Variants in LDB2 observed in about 807,000 individuals in gnomAD.
LDB2 encodes the protein LIM domain binding 2.
Under a neutral mutation model 44.3 loss-of-function variants are expected in LDB2, and 12 were observed. The ratio of observed to expected loss-of-function variants is 0.27; its 90% CI spans 0.17 to 0.44. The LOEUF (loss-of-function observed/expected upper bound fraction) is 0.44. LDB2 is among the 20% of genes least tolerant of loss of function. LDB2 has a pLI of 1.00. For missense variants in LDB2, 344 were observed against 473.5 expected, an observed-to-expected ratio of 0.73 and a Z score of 2.54; for synonymous variants, 164 against 174.8, an observed-to-expected ratio of 0.94 and a Z score of 0.49.
chr4:16,676,459 G>T (rs1035666779), intron 2 of LDB2, among the ~76,000 whole-genome samples: 4 of 152,168 alleles, frequency 2.6e-5, no homozygotes, highest in Non-Finnish European at 5.9e-5. Context: ...ACACCCTGGG[G>T]ATCTGGCCTG....
At chr4:16,764,646 T>C (rs1376282071) in intron 1 of LDB2, among the ~76,000 whole-genome samples, 3 of 152,018 alleles carry the variant, frequency 2.0e-5, no homozygotes, top group Non-Finnish European at 4.4e-5. Flanking sequence ...AAAGAGACCA[T>C]GGTCATTTGA....
chr4:16,623,320 G>C (rs1006477923), intron 2 of LDB2, among the ~76,000 whole-genome samples: 1 of 152,120 alleles, frequency 6.6e-6, no homozygotes, highest in African/African-American at 2.4e-5. Flanking sequence ...ACTATCGGCC[G>C]GACGCAGTGG....
At chr4:16,831,335 T>C (rs1031130297) in intron 1 of LDB2, among the ~76,000 whole-genome samples, 18 of 152,066 alleles carry the variant, frequency 1.2e-4, no homozygotes, top group African/African-American at 3.9e-4. Flanking sequence ...CCGGGTCACA[T>C]AGATCTCACA....
intron 2 of LDB2, among the ~76,000 whole-genome samples, chr4:16,751,589 G>C (rs1765509843): frequency 6.6e-6 from 1 of 152,150 alleles, no homozygotes; most frequent in South Asian, 2.1e-4. Context: ...ACTAGTCCTA[G>C]ATTTTCCATT....
At chr4:16,717,202 G>T (rs1333993735) in intron 2 of LDB2, among the ~76,000 whole-genome samples, 1 of 151,016 alleles carries the variant, frequency 6.6e-6, no homozygotes, top group African/African-American at 2.4e-5. Context: ...TGATGAGGAG[G>T]ACTACATTTA....
intron 5 of LDB2, among the ~76,000 whole-genome samples, chr4:16,529,630 T>C (rs1729440624): frequency 6.6e-6 from 1 of 152,210 alleles, no homozygotes; most frequent in South Asian, 2.1e-4. Flanking sequence ...TTTAATCACA[T>C]AGGGAGCTTC....
intron 1 of LDB2, among the ~76,000 whole-genome samples, chr4:16,782,259 A>G (rs566059690): frequency 6.6e-6 from 1 of 152,356 alleles, no homozygotes; most frequent in South Asian, 2.1e-4. Flanking sequence ...CCTTGTGGGC[A>G]GAAATCAGAT....
chr4:16,501,618 G>A lies in LDB2; in HGVS notation c.*1025C>T, dbSNP rs1049334822. Reference sequence around the variant, plus strand: ...AAAATACAGCTGTTTTTTAACACACGGAGCCACTGTGCCTTTACATGTGTG... The same window carrying A: ...AAAATACAGCTGTTTTTTAACACACAGAGCCACTGTGCCTTTACATGTGTG... On this transcript the variant is annotated 3_prime_UTR_variant, in exon 8 of 8. Coordinates refer to ENST00000304523, the MANE Select transcript of LDB2 (RefSeq NM_001290.5). 4 of 152,500 alleles carry A rather than the reference G, an allele frequency of 2.6e-5. No homozygotes were observed. The highest frequency in any genetic ancestry group is 6.6e-5 in the Admixed American group (1 of 15,264). The allele number at this position is 152,500 out of a possible 1,614,324, so 9.4% of individuals were successfully genotyped here.
rs1428080962 is a variant in LDB2 at position 16,739,652 on chromosome 4, G to GTA, written c.235+19505_235+19506insTA. On this transcript the variant is annotated intron_variant, in intron 2 of 7. Coordinates refer to ENST00000304523, the MANE Select transcript of LDB2 (RefSeq NM_001290.5). ...TGTATATATGTATATATACATATGT[G>GTA]TGTATATATGTATATATACATATGT... Among the ~76,000 whole-genome samples the GTA allele has an allele frequency of 5.5e-4, 34 of 62,082 alleles. 1 individual carries two copies. The highest frequency in any genetic ancestry group is 2.0e-3 in the African/African-American group (31 of 15,376). The allele number at this position is 62,082 out of a possible 152,430, so 40.7% of individuals were successfully genotyped here. A position where few individuals can be genotyped will look rare whatever the true frequency, so the allele number is the denominator to read the frequency against.
At chr4:16,871,175 G>T (rs561119419) in intron 1 of LDB2, among the ~76,000 whole-genome samples, 1 of 152,108 alleles carries the variant, frequency 6.6e-6, no homozygotes, top group Non-Finnish European at 1.5e-5. Context: ...ACTATTATTG[G>T]TGCCCTTGGG....
At chr4:16,691,885 T>C (rs1203565615) in intron 2 of LDB2, among the ~76,000 whole-genome samples, 3 of 152,190 alleles carry the variant, frequency 2.0e-5, no homozygotes, top group Admixed American at 6.5e-5. Context: ...AAATTAATAA[T>C]CCCTTGAGAA....
At chr4:16,714,630 G>A (rs910209040) in intron 2 of LDB2, among the ~76,000 whole-genome samples, 4 of 152,058 alleles carry the variant, frequency 2.6e-5, no homozygotes, top group African/African-American at 9.7e-5. Context: ...ATTACAAATG[G>A]GGTGACTTAA....
chr4:16,532,738 TAAC>T (rs1169751561), intron 5 of LDB2, among the ~76,000 whole-genome samples: 1 of 152,214 alleles, frequency 6.6e-6, no homozygotes, highest in East Asian at 1.9e-4. Context: ...CTCCGAATAA[TAAC>T]CATTATGGTT....
intron 1 of LDB2, among the ~76,000 whole-genome samples, chr4:16,779,173 G>A (rs560806586): frequency 6.6e-6 from 1 of 152,204 alleles, no homozygotes; most frequent in South Asian, 2.1e-4. Context: ...TTGGGAGCCT[G>A]GGATTTGAAC....
chr4:16,741,273 T>G (rs940035571), intron 2 of LDB2, among the ~76,000 whole-genome samples: 4 of 152,226 alleles, frequency 2.6e-5, no homozygotes, highest in Non-Finnish European at 5.9e-5. Context: ...TTGTGATATA[T>G]TCATTCAACA....
At chr4:16,887,241 GA>G (rs1722033015) in intron 1 of LDB2, among the ~76,000 whole-genome samples, 1 of 149,764 alleles carries the variant, frequency 6.7e-6, no homozygotes, top group Admixed American at 6.7e-5. Flanking sequence ...AAAAGAAAAA[GA>G]ATAAAAAGAA....
chr4:16,525,667 T>C (rs1727950482), intron 5 of LDB2, among the ~76,000 whole-genome samples: 1 of 152,058 alleles, frequency 6.6e-6, no homozygotes, highest in Admixed American at 6.6e-5. Context: ...AAAAAGAAAA[T>C]CACTGCTCTT....
intron 1 of LDB2, among the ~76,000 whole-genome samples, chr4:16,788,332 G>A (rs561851194): frequency 6.6e-6 from 1 of 152,320 alleles, no homozygotes; most frequent in African/African-American, 2.4e-5. Context: ...GTGGTGATGG[G>A]AAGGGGATGC....
chr4:16,632,236 T>C (rs1246037162), intron 2 of LDB2, among the ~76,000 whole-genome samples: 1 of 152,212 alleles, frequency 6.6e-6, no homozygotes, highest in Non-Finnish European at 1.5e-5. Context: ...TTATCCACCA[T>C]GATCAAGTTG....
Sources: allele counts gnomAD v4.1 joint callset (sites outside exome capture counted in the v4.1 genomes callset), GRCh38; gene constraint gnomAD v4.1.1; transcripts MANE v1.5; gene names NCBI Gene and HGNC (gene_info 2026-07-23, HGNC 2026-07-21).